The following DSE variants were observed in gnomAD, a reference collection of about 807,000 sequenced individuals.
DSE encodes dermatan-sulfate epimerase.
DSE carries 36 observed loss-of-function variants against 84.4 expected under a neutral mutation model. The ratio of observed to expected loss-of-function variants is 0.43; its 90% CI spans 0.33 to 0.56. DSE has a LOEUF of 0.56. Among genes scored for constraint, DSE ranks in the 20% least tolerant of loss-of-function variants. The probability of loss-of-function intolerance (pLI) is 0.06; values close to 1 mark genes in which losing one functional copy is unlikely to be tolerated. For missense variants in DSE, 862 were observed against 1,169.6 expected (o/e 0.74, Z 3.84); for synonymous variants, 410 against 430.1 (o/e 0.95, Z 0.58).
intron 2 of DSE, among the ~76,000 whole-genome samples, chr6:116,305,559 T>G (rs894033839): frequency 1.3e-5 from 2 of 152,162 alleles, no homozygotes; most frequent in Admixed American, 1.3e-4. Flanking sequence ...ATTGACAAAA[T>G]TGGAATAGAT....
chr6:116,278,184 T>C (rs1773256696), intron 2 of DSE: 1 of 330,732 alleles, frequency 3.0e-6, no homozygotes, highest in East Asian at 7.5e-5. Flanking sequence ...CAGCAACCAG[T>C]TCAGAGGCCC....
intron 2 of DSE, among the ~76,000 whole-genome samples, chr6:116,327,448 T>G (rs1776686714): frequency 6.6e-6 from 1 of 152,150 alleles, no homozygotes; most frequent in Non-Finnish European, 1.5e-5. Flanking sequence ...AATCATAACT[T>G]TAACCCTCAA....
intron 2 of DSE, chr6:116,412,862 C>G (rs959409096): frequency 6.6e-5 from 10 of 151,468 alleles, no homozygotes; most frequent in Non-Finnish European, 1.3e-4. Context: ...CTCCCTCCCC[C>G]ATCTAGTAGT....
At chr6:116,256,360 T>A (rs1428260385) in intron 1 of DSE, 3 of 152,218 alleles carry the variant, frequency 2.0e-5, no homozygotes, top group Non-Finnish European at 4.4e-5. Context: ...GCTCCTAGGC[T>A]ACAAACCTGA....
At chr6:116,349,840 C>T (rs1321638848) in intron 2 of DSE, among the ~76,000 whole-genome samples, 1 of 152,172 alleles carries the variant, frequency 6.6e-6, no homozygotes, top group Non-Finnish European at 1.5e-5. Context: ...AAACACTTCT[C>T]AGGTTGTATG....
intron 2 of DSE, among the ~76,000 whole-genome samples, chr6:116,293,717 CAT>C (rs1421595552): frequency 6.6e-6 from 1 of 151,964 alleles, no homozygotes; most frequent in African/African-American, 2.4e-5. Context: ...GCCTAGGAAA[CAT>C]AGCGAGACTT....
chr6:116,321,272 C>G (rs1776290783), intron 2 of DSE, among the ~76,000 whole-genome samples: 2 of 500 alleles, frequency 4.0e-3, no homozygotes, highest in African/African-American at 0.011. Flanking sequence ...CACCTGTGCT[C>G]AAGTGATCCT....
At chr6:116,261,841 C>T (rs1439510508) in intron 2 of DSE, among the ~76,000 whole-genome samples, 2 of 152,184 alleles carry the variant, frequency 1.3e-5, no homozygotes, top group African/African-American at 4.8e-5. Flanking sequence ...TTTTCTGCAT[C>T]TATTGATATA....
At chr6:116,278,569 G>T in intron 2 of DSE, 1 of 1,614,158 alleles carries the variant, frequency 6.2e-7, no homozygotes, top group South Asian at 1.1e-5. Context: ...CTCCCTTAGC[G>T]GGCGACGTCG....
chr6:116,438,942 T>C lies in DSE; in HGVS notation c.*1597T>C, dbSNP rs1425250769. On this transcript the variant is annotated 3_prime_UTR_variant, in exon 6 of 6. Transcript: ENST00000644252. ...AGAAAACGACTTCTGAGGAAGTAAT[T>C]TTTTTCCCCTCTCATGGAAAGTCTC... 1 of 152,174 alleles carries C rather than the reference T, an allele frequency of 6.6e-6. No individual in the cohort carries two copies. The highest frequency in any genetic ancestry group is 1.5e-5 in the Non-Finnish European group (1 of 68,024). The allele number at this position is 152,174 out of a possible 1,614,324, so 9.4% of individuals were successfully genotyped here.
intron 2 of DSE, among the ~76,000 whole-genome samples, chr6:116,323,320 C>G (rs1320923985): frequency 6.6e-6 from 1 of 152,184 alleles, no homozygotes; most frequent in Non-Finnish European, 1.5e-5. Context: ...CACTGTGTTT[C>G]TTCACGACTG....
intron 2 of DSE, among the ~76,000 whole-genome samples, chr6:116,344,789 G>A (rs1349204079): frequency 1.3e-5 from 2 of 152,184 alleles, no homozygotes; most frequent in African/African-American, 2.4e-5. Flanking sequence ...GACCTTAAAT[G>A]TAAATGGGCT....
chr6:116,418,048 G>C (rs993631885), intron 2 of DSE, among the ~76,000 whole-genome samples: 1 of 152,050 alleles, frequency 6.6e-6, no homozygotes, highest in Non-Finnish European at 1.5e-5. Flanking sequence ...AATTACAAAG[G>C]GTAGTCAATG....
upstream of DSE, chr6:116,366,289 AT>A (rs1779161085): frequency 6.6e-6 from 1 of 152,208 alleles, no homozygotes; most frequent in African/African-American, 2.4e-5. Flanking sequence ...GACACATTAA[AT>A]TATCCACCAT....
intron 2 of DSE, among the ~76,000 whole-genome samples, chr6:116,260,269 G>T (rs543751237): frequency 1.2e-3 from 190 of 152,042 alleles, no homozygotes; most frequent in Non-Finnish European, 2.2e-3. Flanking sequence ...ATGAATATTG[G>T]CTGCATGTAT....
chr6:116,281,508 G>A (rs1471623199), intron 2 of DSE, among the ~76,000 whole-genome samples: 2 of 152,242 alleles, frequency 1.3e-5, no homozygotes, highest in African/African-American at 4.8e-5. Flanking sequence ...ATGGCTTCCC[G>A]TGAGTTCCTG....
At chr6:116,290,364 G>A (rs564150088) in intron 2 of DSE, among the ~76,000 whole-genome samples, 1 of 152,232 alleles carries the variant, frequency 6.6e-6, no homozygotes, top group East Asian at 1.9e-4. Context: ...AACAGCCATG[G>A]AAACTTTAAT....
At chr6:116,369,677 T>G, upstream of DSE, 1 of 287,828 alleles carries the variant, frequency 3.5e-6, no homozygotes. Flanking sequence ...TTTATGCAAA[T>G]TAGTGGTTCA....
chr6:116,271,539 T>A (rs934434137), intron 2 of DSE, among the ~76,000 whole-genome samples: 4 of 152,188 alleles, frequency 2.6e-5, no homozygotes, highest in African/African-American at 7.2e-5. Context: ...GGACAATATG[T>A]CCTAAGCAGA....
Sources: allele counts gnomAD v4.1 joint callset (sites outside exome capture counted in the v4.1 genomes callset), GRCh38; gene constraint gnomAD v4.1.1; transcripts MANE v1.5; gene names NCBI Gene and HGNC (gene_info 2026-07-23, HGNC 2026-07-21).